CALN1: variants seen among roughly 807,000 people sequenced by gnomAD.
CALN1 encodes the protein calneuron 1, also known as calcium-binding protein 8.
CALN1 carries 17 observed loss-of-function variants against 30.6 expected under a neutral mutation model. The ratio of observed to expected loss-of-function variants is 0.56; its 90% confidence interval spans 0.38 to 0.83. The LOEUF (loss-of-function observed/expected upper bound fraction) is 0.83. Ranked by LOEUF, CALN1 falls within the 40% of genes least tolerant of loss-of-function variation. The probability of loss-of-function intolerance (pLI) is 0.00; values close to 1 mark genes in which losing one functional copy is unlikely to be tolerated. For synonymous variants in CALN1, 156 were observed against 131.4 expected, an observed-to-expected ratio of 1.19 and a Z score of -1.28; for missense variants, 291 against 354.9, an observed-to-expected ratio of 0.82 and a Z score of 1.45.
intron 2 of CALN1, among the ~76,000 whole-genome samples, chr7:72,395,630 G>A (rs1034501007): frequency 3.9e-5 from 6 of 152,142 alleles, no homozygotes; most frequent in African/African-American, 1.4e-4. Flanking sequence ...GGAAGTCAAT[G>A]GATCCCAGGT....
chr7:72,388,558 T>C (rs1276695013), intron 2 of CALN1, among the ~76,000 whole-genome samples: 1 of 152,202 alleles, frequency 6.6e-6, no homozygotes, highest in East Asian at 1.9e-4. Context: ...ATACTGCGTG[T>C]TGGGGATATG....
intron 3 of CALN1, among the ~76,000 whole-genome samples, chr7:72,150,430 A>C (rs559716655): frequency 1.3e-5 from 2 of 152,338 alleles, no homozygotes; most frequent in East Asian, 3.9e-4. Context: ...AGAATGTTTC[A>C]GATGGCAGCA....
chr7:72,066,217 G>A (rs1480746211), intron 4 of CALN1, among the ~76,000 whole-genome samples: 1 of 152,176 alleles, frequency 6.6e-6, no homozygotes. Context: ...AGACCTTTTT[G>A]GATCTTAATT....
chr7:72,384,197 A>G (rs1805073673), intron 2 of CALN1, among the ~76,000 whole-genome samples: 1 of 152,136 alleles, frequency 6.6e-6, no homozygotes, highest in Admixed American at 6.5e-5. Flanking sequence ...GTTTTTTTCC[A>G]TTATGTGGAC....
At chr7:72,234,049 GA>G (rs1794298765) in intron 3 of CALN1, among the ~76,000 whole-genome samples, 1 of 151,930 alleles carries the variant, frequency 6.6e-6, no homozygotes, top group Admixed American at 6.6e-5. Flanking sequence ...AATTAAGCTA[GA>G]AAAAGAGAAA....
chr7:72,263,135 C>T (rs1216202042), intron 3 of CALN1, among the ~76,000 whole-genome samples: 4 of 152,140 alleles, frequency 2.6e-5, no homozygotes, highest in Non-Finnish European at 4.4e-5. Flanking sequence ...TCATAATAAG[C>T]ATCATCATCA....
At chr7:71,948,209 G>A (rs1048051144) in intron 5 of CALN1, among the ~76,000 whole-genome samples, 2 of 146,450 alleles carry the variant, frequency 1.4e-5, no homozygotes, top group Admixed American at 1.4e-4. Flanking sequence ...AGAAGGAGCC[G>A]CACCACCACA....
chr7:72,134,018 A>C (rs1809339154), intron 3 of CALN1, among the ~76,000 whole-genome samples: 1 of 152,202 alleles, frequency 6.6e-6, no homozygotes, highest in Non-Finnish European at 1.5e-5. Flanking sequence ...AAGGCATTAA[A>C]AGGCCTTTGG....
At chr7:72,190,010 A>G (rs1226596728) in intron 3 of CALN1, among the ~76,000 whole-genome samples, 2 of 152,154 alleles carry the variant, frequency 1.3e-5, no homozygotes, top group Non-Finnish European at 2.9e-5. Flanking sequence ...TGTTTAAAAA[A>G]GGGTTTATTC....
At chr7:72,330,405 C>G (rs1218377707) in intron 2 of CALN1, among the ~76,000 whole-genome samples, 7 of 145,390 alleles carry the variant, frequency 4.8e-5, no homozygotes, top group Admixed American at 2.1e-4. Context: ...TAAGCAGAGG[C>G]TGCAGGGAGC....
At chr7:71,898,749 C>T (rs1297462257) in intron 5 of CALN1, among the ~76,000 whole-genome samples, 1 of 152,140 alleles carries the variant, frequency 6.6e-6, no homozygotes, top group East Asian at 1.9e-4. Context: ...AGAAGTTACT[C>T]TTAAAGAAGC....
chr7:71,931,469 G>A (rs142246458), intron 5 of CALN1, among the ~76,000 whole-genome samples: 37 of 150,434 alleles, frequency 2.5e-4, no homozygotes, highest in African/African-American at 8.0e-4. Context: ...GTTTCACCAC[G>A]TTGCCCAGGC....
intron 3 of CALN1, among the ~76,000 whole-genome samples, chr7:72,122,008 C>G (rs78781211): frequency 1.3e-5 from 2 of 151,466 alleles, no homozygotes; most frequent in African/African-American, 4.9e-5. Flanking sequence ...AGGAGAGAAG[C>G]CTGGCACCCC....
chr7:72,331,227 A>T (rs1311069565), intron 2 of CALN1, among the ~76,000 whole-genome samples: 1 of 152,070 alleles, frequency 6.6e-6, no homozygotes, highest in Non-Finnish European at 1.5e-5. Flanking sequence ...GCGGGAGCCC[A>T]TAATCCCAGC....
the CALN1 span, among the ~76,000 whole-genome samples, chr7:72,473,762 A>G: frequency 2.6e-5 from 4 of 152,012 alleles, no homozygotes; most frequent in Admixed American, 6.6e-5. Flanking sequence ...GCGAAACCCC[A>G]TCTCCACCAA....
At chr7:72,239,427 C>A (rs959199609) in intron 3 of CALN1, among the ~76,000 whole-genome samples, 2 of 151,352 alleles carry the variant, frequency 1.3e-5, no homozygotes, top group African/African-American at 4.9e-5. Context: ...ATAAATAAAC[C>A]AAAGATTCTG....
intron 2 of CALN1, among the ~76,000 whole-genome samples, chr7:72,373,275 A>G (rs1485512166): frequency 6.6e-6 from 1 of 152,218 alleles, no homozygotes; most frequent in African/African-American, 2.4e-5. Context: ...AAAAATTCCA[A>G]TACTATTTGT....
intron 5 of CALN1, among the ~76,000 whole-genome samples, chr7:71,967,367 A>T (rs577057071): frequency 1.3e-5 from 2 of 152,266 alleles, no homozygotes; most frequent in South Asian, 2.1e-4. Context: ...GTGATGACTC[A>T]TGTCTGTAAT....
chr7:72,369,712 A>T (rs962892690), intron 2 of CALN1, among the ~76,000 whole-genome samples: 5 of 152,114 alleles, frequency 3.3e-5, no homozygotes, highest in African/African-American at 1.2e-4. Flanking sequence ...CATTTCCTAG[A>T]AGTTTATAGA....
Sources: allele counts gnomAD v4.1 joint callset (sites outside exome capture counted in the v4.1 genomes callset), GRCh38; gene constraint gnomAD v4.1.1; transcripts MANE v1.5; gene names NCBI Gene and HGNC (gene_info 2026-07-23, HGNC 2026-07-21).